The following ACADS variants were observed in gnomAD, a reference collection of about 807,000 sequenced individuals.
ACADS encodes the protein acyl-CoA dehydrogenase short chain.
In ACADS, 28 loss-of-function variants were observed where a neutral mutation model predicts 46.8. The ratio of observed to expected loss-of-function variants is 0.60; its 90% CI spans 0.44 to 0.82. The LOEUF is 0.82. Ranked by LOEUF, ACADS falls within the 40% of genes least tolerant of loss-of-function variation. The pLI, the probability that ACADS is intolerant of heterozygous loss-of-function variation, is 0.00. For synonymous variants in ACADS, 236 were observed against 237.7 expected, an observed-to-expected ratio of 0.99 and a Z score of 0.07; for missense variants, 528 against 578.0, an observed-to-expected ratio of 0.91 and a Z score of 0.89.
chr12:120,737,145 C>T lies in ACADS; in HGVS notation c.360+10C>T, dbSNP rs1009474142. ...CATGAGTGTCAACAACGTGAGCCCC[C>T]TCCCAGGCCCCTGGGACACACGGGT... On this transcript the variant is annotated intron_variant, in intron 3 of 9. Transcript: ENST00000242592. 1.9e-6 allele frequency: 3 copies of T among 1,571,866 alleles called. No individual in the cohort carries two copies. The highest frequency in any genetic ancestry group is 3.7e-5 in the Admixed American group (2 of 54,282).
chr12:120,738,879 T>C lies in ACADS; in HGVS notation c.993T>C (p.Ala331=), dbSNP rs568010677. The C allele has an allele frequency of 2.5e-6, 4 of 1,613,814 alleles. No homozygotes were observed. The South Asian group carries it at 4.4e-5, about 18-fold the overall frequency. Residue 331 remains alanine, a synonymous_variant, in exon 8 of 10, where the codon GCT becomes GCC. Transcript: ENST00000242592. ...LESARLLTWR[A]AMLKDNKKPF... is the part of the protein sequence containing the mutation. ...GTGCCCGGCTGCTGACCTGGCGCGCTGCCATGCTGAAGGATAACAAGAAGC... is the reference window on the plus strand; with the variant it reads ...GTGCCCGGCTGCTGACCTGGCGCGCCGCCATGCTGAAGGATAACAAGAAGC...
At chr12:120,727,273 C>G in intron 2 of ACADS, 84 bp downstream of exon 2, 1 of 1,571,586 alleles carries the variant, frequency 6.4e-7, no homozygotes, top group African/African-American at 1.3e-5. Context: ...CAGCGGCACT[C>G]GGACTCTGGT....
chr12:120,729,703 T>C (rs1883195802), intron 2 of ACADS, among the ~76,000 whole-genome samples: 1 of 152,164 alleles, frequency 6.6e-6, no homozygotes, highest in Admixed American at 6.5e-5. Context: ...TTGTCCCCAC[T>C]TTTTTTCTAG....
At chr12:120,729,077 A>G (rs954094524) in intron 2 of ACADS, among the ~76,000 whole-genome samples, 8 of 152,268 alleles carry the variant, frequency 5.3e-5, no homozygotes, top group Admixed American at 5.2e-4. Flanking sequence ...AGGGGGCTCT[A>G]GGAGGCCACC....
chr12:120,726,240 A>G (rs545294718), intron 1 of ACADS, among the ~76,000 whole-genome samples: 7 of 151,866 alleles, frequency 4.6e-5, no homozygotes, highest in South Asian at 4.2e-4. Flanking sequence ...TTCCGGAGCC[A>G]GGCCTGGGAT....
At chr12:120,738,164 G>A in intron 5 of ACADS, 116 bp from the exon 6 acceptor site, 1 of 1,579,464 alleles carries the variant, frequency 6.3e-7, no homozygotes, top group African/African-American at 1.4e-5. Context: ...GGCAGAGGGT[G>A]TCAAGGCCTG....
At position 120,738,187 on chromosome 12, in the gene ACADS, AGGT is replaced by A. The variant is rs768292044; in HGVS notation, c.625-90_625-88del. On this transcript the variant is annotated intron_variant, in intron 5 of 9. Coordinates refer to ENST00000242592, the MANE Select transcript of ACADS (RefSeq NM_000017.4). ...GTGTCAAGGCCTGAGCTTCTGAGGGAGGTGGGGAGGGGACCGGGTTGGTGTTGG... is the reference window on the plus strand; with the variant it reads ...GTGTCAAGGCCTGAGCTTCTGAGGGAGGGGAGGGGACCGGGTTGGTGTTGG... The A allele has an allele frequency of 1.0e-5, 16 of 1,598,894 alleles. No homozygotes were observed. The South Asian group carries it at 1.8e-4, about 18-fold the overall frequency.
In ACADS at chr12:120,728,656, A is replaced by C. The variant is rs1264253842; in HGVS notation, c.210+1467A>C. Reference sequence around the variant, plus strand: ...CGAGTAGCTGGGATTACAGGCGCACACCACCATACCCGGCTAATTTTATGT... The same window carrying C: ...CGAGTAGCTGGGATTACAGGCGCACCCCACCATACCCGGCTAATTTTATGT... On this transcript the variant is annotated intron_variant, in intron 2 of 9. Transcript: ENST00000242592. This position sits in a 1 kb window ranked among gnomAD's most constrained non-coding sequence, Gnocchi z 4.0. Among the ~76,000 whole-genome samples, 1 of 151,416 alleles carries C rather than the reference A, an allele frequency of 6.6e-6. No individual in the cohort carries two copies. The highest frequency in any genetic ancestry group is 6.6e-5 in the Admixed American group (1 of 15,176).
intron 8 of ACADS, 70 bp downstream of exon 8, chr12:120,738,985 G>A (rs1188794813): frequency 6.3e-7 from 1 of 1,599,024 alleles, no homozygotes; most frequent in Non-Finnish European, 8.5e-7. Flanking sequence ...GGTTGGGGCG[G>A]GTCTCTGCTC....
intron 2 of ACADS, among the ~76,000 whole-genome samples, chr12:120,732,371 C>T (rs879847135): frequency 9.3e-5 from 14 of 150,618 alleles, no homozygotes; most frequent in Non-Finnish European, 1.6e-4. Context: ...CGGGCGGAGA[C>T]GCTCCTCACT....
At chr12:120,725,953 A>G in intron 1 of ACADS, 22 bp downstream of exon 1, 2 of 1,528,842 alleles carry the variant, frequency 1.3e-6, no homozygotes, top group Non-Finnish European at 1.7e-6. Context: ...GGGGATCCGT[A>G]CGGCGGGGCT....
intron 6 of ACADS, 33 bp downstream of exon 6, chr12:120,738,483 C>A: frequency 6.2e-7 from 1 of 1,606,142 alleles, no homozygotes; most frequent in Non-Finnish European, 8.5e-7. Context: ...CACCTTGAGG[C>A]CAGGCCCGCG....
chr12:120,739,106 CA>C, intron 8 of ACADS, 33 bp from the exon 9 acceptor site: 7 of 1,612,980 alleles, frequency 4.3e-6, no homozygotes, highest in Non-Finnish European at 5.9e-6. Flanking sequence ...GGGGTCCCCT[CA>C]AGGGAAGGCT....
At chr12:120,733,548 TGGTGCCTGCTG>T in intron 2 of ACADS, among the ~76,000 whole-genome samples, 1 of 4,574 alleles carries the variant, frequency 2.2e-4, no homozygotes, top group Admixed American at 2.9e-3. Context: ...CCTGCTGAAA[TGGTGCCTGCTG>T]AAATGGTGCC....
At chr12:120,738,494 C>T (rs768382701) in intron 6 of ACADS, 39 bp from the exon 7 acceptor site, 134 of 1,605,598 alleles carry the variant, frequency 8.3e-5, no homozygotes, top group Non-Finnish European at 1.1e-4. Context: ...CAGGCCCGCG[C>T]CCCGGCTGGC....
In ACADS at chr12:120,738,838, G is replaced by T. The variant is rs756555604; in HGVS notation, c.952G>T (p.Ala318Ser). Residue 318 changes from alanine to serine, a missense_variant, in exon 8 of 10, where the codon GCC becomes TCC. Transcript: ENST00000242592. ...ATTGCAGTTCAAGTTGGCAGACATGGCCCTGGCCCTGGAGAGTGCCCGGCT... is the reference window on the plus strand; with the variant it reads ...ATTGCAGTTCAAGTTGGCAGACATGTCCCTGGCCCTGGAGAGTGCCCGGCT... ...QVIQFKLADM[A>S]LALESARLLT... The T allele has an allele frequency of 1.2e-6, 2 of 1,614,022 alleles. No homozygotes were observed. The highest frequency in any genetic ancestry group is 1.1e-5 in the South Asian group (1 of 91,088).
Position 120,737,448 on chromosome 12 carries a change from C to A in ACADS, c.453C>A (p.Cys151Ter). The A allele has an allele frequency of 6.2e-7, 1 of 1,614,104 alleles. No homozygotes were observed. The highest frequency in any genetic ancestry group is 8.5e-7 in the Non-Finnish European group (1 of 1,179,980). The change falls in exon 4 of 10, where the codon TGC (cysteine) becomes TGA (stop). Residue 151 changes from cysteine (C) to a stop codon, truncating the protein, a stop_gained. Coordinates refer to ENST00000242592, the MANE Select transcript of ACADS (RefSeq NM_000017.4). LOFTEE classifies it high-confidence loss of function. ...TPFTSGDKIG[C>*]FALSEPGNGS... ...TCACCAGTGGTGACAAAATTGGCTG[C>A]TTTGCCCTCAGCGAACCAGGTACCT...
chr12:120,738,934 G>C lies in ACADS; in HGVS notation c.1029+19G>C. The C allele has an allele frequency of 6.2e-7, 1 of 1,612,944 alleles. No individual in the cohort carries two copies. The highest frequency in any genetic ancestry group is 2.2e-5 in the East Asian group (1 of 44,876). ...CATCAAGGTGCCCACAGGGGTCCCC[G>C]AGCCATGGCCCAGAATGTGGTGGGC... On this transcript the variant is annotated intron_variant, in intron 8 of 9. Coordinates refer to ENST00000242592, the MANE Select transcript of ACADS (RefSeq NM_000017.4).
chr12:120,730,073 C>G (rs1403876624), intron 2 of ACADS, among the ~76,000 whole-genome samples: 1 of 152,100 alleles, frequency 6.6e-6, no homozygotes, highest in East Asian at 1.9e-4. Flanking sequence ...GCCTTTGCCT[C>G]CTGGGTTCAA....
Sources: gnomAD v4.1 joint callset for allele counts (sites outside exome capture counted in the v4.1 genomes callset) on GRCh38, gnomAD v4.1.1 for gene constraint, Gnocchi (gnomAD v3.1) non-coding constraint, MANE v1.5 for transcripts, NCBI Gene and HGNC (gene_info 2026-07-23, HGNC 2026-07-21) for gene names.